The following CPLANE1 variants were observed in gnomAD, a reference collection of about 807,000 sequenced individuals.
The protein encoded by CPLANE1 is ciliogenesis and planar polarity effector complex subunit 1.
Under a neutral mutation model 362.5 loss-of-function variants are expected in CPLANE1, and 263 were observed. The observed-to-expected ratio is 0.73, with a 90% CI of 0.66 to 0.80. CPLANE1 has a LOEUF of 0.80. CPLANE1 is among the 30% of genes least tolerant of loss of function. The pLI is 0.00. For synonymous variants in CPLANE1, 1,212 were observed against 1,302.6 expected (o/e 0.93, Z 1.50); for missense variants, 3,461 against 3,793.4 (o/e 0.91, Z 2.30).
intron 43 of CPLANE1, among the ~76,000 whole-genome samples, chr5:37,147,673 G>A (rs893441893): frequency 3.3e-5 from 5 of 152,052 alleles, no homozygotes; most frequent in Non-Finnish European, 7.4e-5. Context: ...TGACAAGACT[G>A]AATGAGAAAG....
At chr5:37,216,092 C>G (rs1263547234) in intron 15 of CPLANE1, among the ~76,000 whole-genome samples, 1 of 152,168 alleles carries the variant, frequency 6.6e-6, no homozygotes, top group Non-Finnish European at 1.5e-5. Flanking sequence ...CCGCCTCAGC[C>G]TCCCAAAATG....
At chr5:37,186,437 C>CT (rs752477804) in intron 23 of CPLANE1, 43 bp from the exon 24 acceptor site, 572 of 824,296 alleles carry the variant, frequency 6.9e-4, no homozygotes, top group Non-Finnish European at 8.6e-4. Flanking sequence ...AAACATCATT[C>CT]TTTTTTTTTC....
chr5:37,212,080 T>C, intron 16 of CPLANE1: 3 of 909,902 alleles, frequency 3.3e-6, no homozygotes, highest in South Asian at 1.3e-5. Flanking sequence ...CAAGAAATTT[T>C]AGAAAGGGAA....
At position 37,156,611 on chromosome 5, in the gene CPLANE1, AC is replaced by A. The variant is rs1775179546; in HGVS notation, c.8119+701del. 2.6e-5 allele frequency among the ~76,000 whole-genome samples: 4 copies of A among 152,266 alleles called. No homozygotes were observed. In the South Asian group the frequency reaches 6.2e-4, roughly 24 times the overall value. On this transcript the variant is annotated intron_variant, in intron 41 of 52. Transcript: ENST00000651892. ...CTCAGCAAGACTCTGTCTCTAAAAA[AC>A]AACACACACATATATATGTATTTTA... is the stretch of plus-strand genomic sequence containing the variant.
At chr5:37,099,045 A>G in the CPLANE1 span, among the ~76,000 whole-genome samples, 2 of 152,196 alleles carry the variant, frequency 1.3e-5, no homozygotes, top group African/African-American at 4.8e-5. Context: ...GACATTATAA[A>G]GATCAAAGCA....
chr5:37,110,378 C>T (rs1441389087), intron 51 of CPLANE1, among the ~76,000 whole-genome samples: 1 of 152,194 alleles, frequency 6.6e-6, no homozygotes, highest in Non-Finnish European at 1.5e-5. Context: ...CTGCCTGAAA[C>T]TGTTTTGCCT....
At position 37,121,679 on chromosome 5, in the gene CPLANE1, T is replaced by C; in HGVS notation, c.9123A>G (p.Pro3041=). 1 of 1,614,146 alleles carries C rather than the reference T, an allele frequency of 6.2e-7. No homozygotes were observed. Among genetic ancestry groups the C allele is most frequent in the Non-Finnish European group, 8.5e-7 (1 of 1,179,984 alleles). Residue 3041 remains proline, a synonymous_variant, in exon 49 of 53, where the codon CCA becomes CCG. Coordinates refer to ENST00000651892, the MANE Select transcript of CPLANE1 (RefSeq NM_001384732.1). The part of the protein sequence containing the change: ...SVQLPTLPQK[P]LPNKPSPTQS... The stretch of plus-strand genomic sequence containing the variant: ...GAGTAGGGCTGGGTTTGTTAGGCAA[T>C]GGTTTCTGTGGTAGAGTTGGTAGCT...
chr5:37,077,588 T>G, the CPLANE1 span, among the ~76,000 whole-genome samples: 1 of 145,550 alleles, frequency 6.9e-6, no homozygotes, highest in Non-Finnish European at 1.5e-5. Flanking sequence ...ATCAAGAAAC[T>G]TGTGTGTGTG....
chr5:37,126,328 T>C (rs1035258176), intron 46 of CPLANE1, among the ~76,000 whole-genome samples: 2 of 152,188 alleles, frequency 1.3e-5, no homozygotes, highest in South Asian at 4.1e-4. Flanking sequence ...ACACTTTCCA[T>C]AGTCTGGCCC....
At chr5:37,078,353 A>C in the CPLANE1 span, among the ~76,000 whole-genome samples, 2 of 152,206 alleles carry the variant, frequency 1.3e-5, no homozygotes, top group African/African-American at 4.8e-5. Context: ...AGCTCCATGC[A>C]TATCCATGCA....
chr5:37,082,414 A>G, the CPLANE1 span, among the ~76,000 whole-genome samples: 1 of 152,220 alleles, frequency 6.6e-6, no homozygotes, highest in Non-Finnish European at 1.5e-5. Context: ...GAGGCATCAC[A>G]CTACCCGATC....
rs573015674 is a variant in CPLANE1, at chr5:37,168,210, G to A, written c.7233+581C>T. On this transcript the variant is annotated intron_variant, in intron 34 of 52. Transcript: ENST00000651892. The stretch of plus-strand genomic sequence containing the variant: ...ATAAAACTACCATTTTAATATATAT[G>A]CTACTAATCACAGATTCTGGGTCTA... 3.9e-5 allele frequency among the ~76,000 whole-genome samples: 5 copies of A among 126,948 alleles called. No homozygotes were observed. The South Asian group carries it at 1.2e-3, about 31-fold the overall frequency. The allele number at this position is 126,948 out of a possible 152,430, so 83.3% of individuals were successfully genotyped here.
At chr5:37,201,382 T>C (rs1211457499) in intron 19 of CPLANE1, among the ~76,000 whole-genome samples, 1 of 152,182 alleles carries the variant, frequency 6.6e-6, no homozygotes, top group East Asian at 1.9e-4. Context: ...GAGGTACTAT[T>C]ATCATCTGCA....
chr5:37,217,905 G>A (rs950575863), intron 15 of CPLANE1, among the ~76,000 whole-genome samples: 6 of 151,478 alleles, frequency 4.0e-5, no homozygotes, highest in East Asian at 1.9e-4. Flanking sequence ...GCTTGAACCC[G>A]GGAGGCAGAG....
At chr5:37,078,344 G>C in the CPLANE1 span, among the ~76,000 whole-genome samples, 1 of 152,156 alleles carries the variant, frequency 6.6e-6, no homozygotes, top group Non-Finnish European at 1.5e-5. Flanking sequence ...ACGGCCTCCA[G>C]CTCCATGCAT....
chr5:37,138,360 T>G (rs1768462347), intron 46 of CPLANE1, among the ~76,000 whole-genome samples: 1 of 152,210 alleles, frequency 6.6e-6, no homozygotes, highest in Non-Finnish European at 1.5e-5. Flanking sequence ...CAGCAGCCCC[T>G]GATCCTTTTT....
At chr5:37,224,945 TC>T (rs370967129) in intron 12 of CPLANE1, among the ~76,000 whole-genome samples, 1 of 145,042 alleles carries the variant, frequency 6.9e-6, no homozygotes, top group African/African-American at 2.7e-5. Context: ...GCACCTGTAA[TC>T]TTTTTTTTTT....
chr5:37,088,825 A>G, the CPLANE1 span, among the ~76,000 whole-genome samples: 2 of 152,180 alleles, frequency 1.3e-5, no homozygotes, highest in Non-Finnish European at 2.9e-5. Context: ...CTCCAGGAAC[A>G]GTGGGATTAG....
chr5:37,245,490 T>C lies in CPLANE1; in HGVS notation c.326A>G (p.Lys109Arg), dbSNP rs1437839710. The C allele has an allele frequency of 2.0e-6, 3 of 1,477,652 alleles. No individual in the cohort carries two copies. The highest frequency in any genetic ancestry group is 2.9e-5 in the South Asian group (2 of 69,482). The allele number at this position is 1,477,652 out of a possible 1,614,324, so 91.5% of individuals were successfully genotyped here. Residue 109 changes from lysine to arginine, a missense_variant, in exon 4 of 53, where the codon AAA becomes AGA. Lys to Arg is a conservative substitution (Grantham distance 26, BLOSUM62 2). Around this residue, in one of 2 missense-constraint regions of CPLANE1, gnomAD observed 3,380 missense variants for 3,666.1 expected, o/e 0.92. Transcript: ENST00000651892. ...PITEKPKEMI[K>R]ATVASSLRLY... is the part of the protein sequence containing the mutation. ...AAAAAAATTCCCACCGACTGTAGCT[T>C]TGATCATTTCCTTAGGCTTTTCAGT...
Sources: gnomAD v4.1 joint callset for allele counts (sites outside exome capture counted in the v4.1 genomes callset) on GRCh38, gnomAD v4.1.1 for gene constraint, gnomAD v4.1.1 regional missense constraint, MANE v1.5 for transcripts, NCBI Gene and HGNC (gene_info 2026-07-23, HGNC 2026-07-21) for gene names.